CACNA2D3: variants seen among roughly 807,000 people sequenced by gnomAD.
CACNA2D3 encodes the protein voltage-dependent calcium channel subunit alpha-2/delta-3.
CACNA2D3 carries 60 observed loss-of-function variants against 160.6 expected under a neutral mutation model. The observed-to-expected ratio is 0.37, with a 90% CI of 0.30 to 0.46. CACNA2D3 has a LOEUF of 0.46. Among genes scored for constraint, CACNA2D3 ranks in the 20% least tolerant of loss-of-function variants. The pLI, the probability that CACNA2D3 is intolerant of heterozygous loss-of-function variation, is 1.00. For missense variants in CACNA2D3, 1,205 were observed against 1,365.0 expected, an observed-to-expected ratio of 0.88 and a Z score of 1.85; for synonymous variants, 558 against 492.9, an observed-to-expected ratio of 1.13 and a Z score of -1.75.
chr3:54,473,675 A>G (rs990018274), intron 4 of CACNA2D3, among the ~76,000 whole-genome samples: 1 of 152,238 alleles, frequency 6.6e-6, no homozygotes, highest in African/African-American at 2.4e-5. Flanking sequence ...AGGAACATAA[A>G]CAAATTTACA....
At chr3:54,268,600 G>A (rs1702562604) in intron 2 of CACNA2D3, among the ~76,000 whole-genome samples, 1 of 152,108 alleles carries the variant, frequency 6.6e-6, no homozygotes, top group Non-Finnish European at 1.5e-5. Context: ...AGTAGAGATG[G>A]GGTTTCATCA....
intron 11 of CACNA2D3, among the ~76,000 whole-genome samples, chr3:54,739,444 A>C (rs1445449519): frequency 6.8e-6 from 1 of 147,614 alleles, no homozygotes; most frequent in Non-Finnish European, 1.5e-5. Flanking sequence ...AAAAAAAACA[A>C]AAAAAAAAAC....
At chr3:54,228,747 A>G (rs560241542) in intron 2 of CACNA2D3, among the ~76,000 whole-genome samples, 9 of 152,324 alleles carry the variant, frequency 5.9e-5, no homozygotes, top group Admixed American at 5.9e-4. Context: ...CCTCAGTCTG[A>G]ATTGGGAGAT....
At chr3:54,426,718 A>G (rs1699916824) in intron 4 of CACNA2D3, among the ~76,000 whole-genome samples, 1 of 152,222 alleles carries the variant, frequency 6.6e-6, no homozygotes, top group African/African-American at 2.4e-5. Flanking sequence ...TTGAGGAACA[A>G]CTGAACTTGT....
intron 9 of CACNA2D3, among the ~76,000 whole-genome samples, chr3:54,621,599 A>G (rs1698988805): frequency 6.6e-6 from 1 of 152,234 alleles, no homozygotes; most frequent in Non-Finnish European, 1.5e-5. Flanking sequence ...ATTTTAATTG[A>G]GAAAAATAAT....
chr3:54,280,934 A>G (rs140313359), intron 2 of CACNA2D3, among the ~76,000 whole-genome samples: 1 of 152,190 alleles, frequency 6.6e-6, no homozygotes, highest in Non-Finnish European at 1.5e-5. Flanking sequence ...GGTGTTGAGC[A>G]TACTACTTTC....
chr3:54,755,352 T>C (rs72874206), intron 12 of CACNA2D3, among the ~76,000 whole-genome samples: 6,390 of 152,164 alleles, frequency 0.042, 459 homozygotes, highest in African/African-American at 0.15. Flanking sequence ...TCTCCAAGAA[T>C]AGGTGAACAG....
intron 2 of CACNA2D3, among the ~76,000 whole-genome samples, chr3:54,298,374 G>T (rs1383928006): frequency 6.6e-6 from 1 of 152,218 alleles, no homozygotes; most frequent in Admixed American, 6.5e-5. Context: ...AAATAATTTT[G>T]AACAATGCAG....
intron 10 of CACNA2D3, chr3:54,632,195 C>A (rs1420831198): frequency 6.6e-6 from 1 of 152,236 alleles, no homozygotes; most frequent in African/African-American, 2.4e-5. Flanking sequence ...GCAGAGAATA[C>A]CAGGGACTCA....
intron 11 of CACNA2D3, among the ~76,000 whole-genome samples, chr3:54,657,389 G>A (rs1182340874): frequency 2.6e-5 from 4 of 152,080 alleles, no homozygotes; most frequent in Admixed American, 6.5e-5. Flanking sequence ...AACACTTAAC[G>A]TGAGATCTAA....
chr3:54,616,434 C>G (rs535519367), intron 9 of CACNA2D3, among the ~76,000 whole-genome samples: 1 of 152,196 alleles, frequency 6.6e-6, no homozygotes, highest in Admixed American at 6.5e-5. Flanking sequence ...AGAGATCAGA[C>G]GAGCAACTGT....
At chr3:55,031,710 A>G (rs1703693769) in intron 35 of CACNA2D3, among the ~76,000 whole-genome samples, 1 of 152,172 alleles carries the variant, frequency 6.6e-6, no homozygotes, top group South Asian at 2.1e-4. Flanking sequence ...CTTGGAAGAT[A>G]TAGCCCAAGA....
intron 14 of CACNA2D3, among the ~76,000 whole-genome samples, chr3:54,825,420 A>G (rs1470685001): frequency 1.3e-5 from 2 of 152,232 alleles, no homozygotes; most frequent in Non-Finnish European, 1.5e-5. Context: ...TTCCTTGCTT[A>G]TAGATACAAT....
At chr3:54,626,638 C>A in intron 9 of CACNA2D3, 6 of 1,146,676 alleles carry the variant, frequency 5.2e-6, no homozygotes, top group Non-Finnish European at 7.8e-6. Flanking sequence ...CCGCTTCATC[C>A]CTCTCAAGCA....
At chr3:54,311,753 G>T (rs1246501728) in intron 2 of CACNA2D3, among the ~76,000 whole-genome samples, 1 of 152,198 alleles carries the variant, frequency 6.6e-6, no homozygotes, top group Non-Finnish European at 1.5e-5. Context: ...ACATGTGTTT[G>T]TCAACACATT....
At chr3:54,427,667 G>A (rs1265696922) in intron 4 of CACNA2D3, among the ~76,000 whole-genome samples, 3 of 152,140 alleles carry the variant, frequency 2.0e-5, no homozygotes, top group East Asian at 1.9e-4. Flanking sequence ...CTGCCAGTGC[G>A]GAGCGTCTAG....
At chr3:54,786,000 A>C (rs1193921549) in intron 13 of CACNA2D3, among the ~76,000 whole-genome samples, 1 of 152,078 alleles carries the variant, frequency 6.6e-6, no homozygotes, top group Non-Finnish European at 1.5e-5. Flanking sequence ...GGAGGTGAGC[A>C]CCCAGCCACC....
intron 11 of CACNA2D3, among the ~76,000 whole-genome samples, chr3:54,735,500 G>A (rs530871950): frequency 1.5e-4 from 23 of 152,296 alleles, no homozygotes; most frequent in African/African-American, 4.8e-4. Flanking sequence ...CAGCAGCTCT[G>A]GATGACCCTT....
intron 14 of CACNA2D3, among the ~76,000 whole-genome samples, chr3:54,833,522 A>G (rs899169702): frequency 3.9e-5 from 6 of 152,066 alleles, no homozygotes; most frequent in Non-Finnish European, 8.8e-5. Flanking sequence ...GGACCCCCCT[A>G]GCAACGTGTT....
Sources: gnomAD v4.1 joint callset for allele counts (sites outside exome capture counted in the v4.1 genomes callset) on GRCh38, gnomAD v4.1.1 for gene constraint, MANE v1.5 for transcripts, NCBI Gene and HGNC (gene_info 2026-07-23, HGNC 2026-07-21) for gene names.